KCNIP4: variants seen among roughly 807,000 people sequenced by gnomAD.
The protein encoded by KCNIP4 is Kv channel-interacting protein 4.
Under a neutral mutation model 34.0 loss-of-function variants are expected in KCNIP4, and 12 were observed. The ratio of observed to expected loss-of-function variants is 0.35; its 90% CI spans 0.23 to 0.57. The LOEUF is 0.57. Among genes scored for constraint, KCNIP4 ranks in the 20% least tolerant of loss-of-function variants. The probability of loss-of-function intolerance (pLI) is 0.83; values close to 1 mark genes in which losing one functional copy is unlikely to be tolerated. For synonymous variants in KCNIP4, 124 were observed against 102.2 expected, an observed-to-expected ratio of 1.21 and a Z score of -1.29; for missense variants, 238 against 311.7, an observed-to-expected ratio of 0.76 and a Z score of 1.78.
At chr4:21,932,933 C>T (rs1729651118) in intron 1 of KCNIP4, among the ~76,000 whole-genome samples, 1 of 151,098 alleles carries the variant, frequency 6.6e-6, no homozygotes, top group South Asian at 2.1e-4. Flanking sequence ...GATAGGGGTC[C>T]ATGATCAAAA....
At chr4:21,257,000 G>A (rs1029879887) in intron 1 of KCNIP4, among the ~76,000 whole-genome samples, 2 of 152,114 alleles carry the variant, frequency 1.3e-5, no homozygotes, top group Non-Finnish European at 2.9e-5. Context: ...CTTTGCTTTG[G>A]TCATTTTTCC....
intron 1 of KCNIP4, among the ~76,000 whole-genome samples, chr4:21,289,960 G>A (rs1014783986): frequency 1.3e-5 from 2 of 152,056 alleles, no homozygotes; most frequent in Non-Finnish European, 2.9e-5. Flanking sequence ...TCAATGGAGT[G>A]AAATGGTTTG....
intron 2 of KCNIP4, among the ~76,000 whole-genome samples, chr4:20,854,231 G>T (rs1053014006): frequency 6.6e-6 from 1 of 152,126 alleles, no homozygotes; most frequent in Non-Finnish European, 1.5e-5. Context: ...CAAAATCGTG[G>T]AACCAACCCA....
intron 1 of KCNIP4, among the ~76,000 whole-genome samples, chr4:21,363,219 T>A (rs533578002): frequency 6.6e-6 from 1 of 152,306 alleles, no homozygotes; most frequent in East Asian, 1.9e-4. Flanking sequence ...TTTCCATCCC[T>A]CTGGCCTTTG....
intron 1 of KCNIP4, among the ~76,000 whole-genome samples, chr4:21,916,662 C>A (rs1728646653): frequency 6.6e-6 from 1 of 152,174 alleles, no homozygotes; most frequent in Non-Finnish European, 1.5e-5. Flanking sequence ...CAGTATTTAG[C>A]ATGGTTCACT....
intron 1 of KCNIP4, among the ~76,000 whole-genome samples, chr4:21,728,279 T>C (rs1443979407): frequency 1.3e-5 from 2 of 152,182 alleles, no homozygotes; most frequent in Non-Finnish European, 2.9e-5. Flanking sequence ...TTCTTATCTC[T>C]GTAAATGGCA....
chr4:21,727,515 G>A (rs1438128459), intron 1 of KCNIP4, among the ~76,000 whole-genome samples: 3 of 152,042 alleles, frequency 2.0e-5, no homozygotes, highest in Non-Finnish European at 4.4e-5. Flanking sequence ...AACAGACCAA[G>A]ACAATACCCT....
chr4:20,798,471 A>T (rs1228188332), intron 3 of KCNIP4, among the ~76,000 whole-genome samples: 1 of 152,042 alleles, frequency 6.6e-6, no homozygotes, highest in Non-Finnish European at 1.5e-5. Context: ...ATGGCTATCT[A>T]GAAGCTCCTA....
chr4:21,789,942 GA>G (rs1233553939), intron 1 of KCNIP4, among the ~76,000 whole-genome samples: 5 of 152,166 alleles, frequency 3.3e-5, no homozygotes, highest in Non-Finnish European at 5.9e-5. Context: ...TAGGAACCCA[GA>G]ACTGAAGTCC....
intron 1 of KCNIP4, among the ~76,000 whole-genome samples, chr4:21,823,700 T>C (rs2109294670): frequency 6.6e-6 from 1 of 152,262 alleles, no homozygotes; most frequent in Middle Eastern, 3.4e-3. Context: ...AATGTGAGAA[T>C]GACTACTCAC....
rs574459220 is a variant in KCNIP4, at chr4:21,524,725, T to A, written c.61+423846A>T. On this transcript the variant is annotated intron_variant, in intron 1 of 8. Transcript: ENST00000382152. ...ATCACTTATTTTTTGAAATATTTTC[T>A]GTCTATCTCCATTATCAGATTGTAA... Among the ~76,000 whole-genome samples, 21 of 152,298 alleles carry A rather than the reference T, an allele frequency of 1.4e-4. No homozygotes were observed. In the South Asian group the frequency reaches 4.1e-3, roughly 30 times the overall value.
rs1261815037 is a variant in KCNIP4, at chr4:21,488,713, A to C, written c.61+459858T>G. ...ACACACAAAAAGCATCAGTGTTGGC[A>C]GGTGGGTAAATGAATCCACACCAGA... On this transcript the variant is annotated intron_variant, in intron 1 of 8. Coordinates refer to ENST00000382152, the MANE Select transcript of KCNIP4 (RefSeq NM_025221.6). Among the ~76,000 whole-genome samples the C allele has an allele frequency of 5.9e-5, 9 of 152,064 alleles. No individual in the cohort carries two copies. In the South Asian group the frequency reaches 1.9e-3, roughly 31 times the overall value.
At chr4:21,767,819 G>T (rs930136075) in intron 1 of KCNIP4, among the ~76,000 whole-genome samples, 3 of 151,934 alleles carry the variant, frequency 2.0e-5, no homozygotes, top group African/African-American at 7.2e-5. Flanking sequence ...AGTTGTAAGT[G>T]CCAAAGCAAC....
At chr4:21,213,069 T>C (rs1757334844) in intron 1 of KCNIP4, among the ~76,000 whole-genome samples, 1 of 151,932 alleles carries the variant, frequency 6.6e-6, no homozygotes, top group Non-Finnish European at 1.5e-5. Context: ...ATAACTAAAG[T>C]GAACTAAACT....
rs115449652 is a variant in KCNIP4, at chr4:20,826,116, C to A, written c.288+24427G>T. Among the ~76,000 whole-genome samples the A allele has an allele frequency of 3.2e-3, 490 of 151,932 alleles. 5 individuals carry two copies. The highest frequency in any genetic ancestry group is 0.012 in the African/African-American group (479 of 41,402). On this transcript the variant is annotated intron_variant, in intron 3 of 8. Transcript: ENST00000382152. ...AGGTAAAGATGTGGAAATTGCAAGA[C>A]CTCACTTTCAAAAAGTTTTGAGGAG...
intron 1 of KCNIP4, among the ~76,000 whole-genome samples, chr4:21,229,860 A>T (rs1341258894): frequency 6.6e-6 from 1 of 152,160 alleles, no homozygotes; most frequent in Non-Finnish European, 1.5e-5. Context: ...GCATACTTAC[A>T]GGCAGCTGTA....
intron 3 of KCNIP4, among the ~76,000 whole-genome samples, chr4:20,775,935 T>A (rs1383305466): frequency 1.3e-5 from 2 of 152,176 alleles, no homozygotes; most frequent in Non-Finnish European, 2.9e-5. Context: ...CTAACTCTTA[T>A]TCCTTTCTGT....
chr4:21,103,825 A>G (rs1027763591), intron 1 of KCNIP4, among the ~76,000 whole-genome samples: 3 of 148,482 alleles, frequency 2.0e-5, no homozygotes, highest in Non-Finnish European at 4.4e-5. Context: ...ATGAGTGAGA[A>G]CATGCGGTGT....
intron 1 of KCNIP4, among the ~76,000 whole-genome samples, chr4:21,423,986 T>C (rs1188224682): frequency 1.3e-5 from 2 of 150,418 alleles, no homozygotes; most frequent in African/African-American, 4.9e-5. Context: ...TTTTTTTTTT[T>C]CTTTTTGTAT....
Sources: allele counts gnomAD v4.1 joint callset (sites outside exome capture counted in the v4.1 genomes callset), GRCh38; gene constraint gnomAD v4.1.1; transcripts MANE v1.5; gene names NCBI Gene and HGNC (gene_info 2026-07-23, HGNC 2026-07-21).